The following PTPRD variants were observed in gnomAD, a reference collection of about 807,000 sequenced individuals.
PTPRD encodes receptor-type tyrosine-protein phosphatase delta.
Under a neutral mutation model 214.5 loss-of-function variants are expected in PTPRD, and 34 were observed. The ratio of observed to expected loss-of-function variants is 0.16; its 90% CI spans 0.12 to 0.21. The LOEUF is 0.21. PTPRD is among the 10% of genes least tolerant of loss of function. The pLI, the probability that PTPRD is intolerant of heterozygous loss-of-function variation, is 1.00. For synonymous variants in PTPRD, 1,128 were observed against 845.7 expected (o/e 1.33, Z -5.79); for missense variants, 2,545 against 2,398.7 (o/e 1.06, Z -1.27).
At chr9:10,569,689 A>G (rs1418350827) in intron 2 of PTPRD, among the ~76,000 whole-genome samples, 2 of 152,238 alleles carry the variant, frequency 1.3e-5, no homozygotes, top group African/African-American at 4.8e-5. Flanking sequence ...ATTTTCTGTT[A>G]GATTCAATCA....
intron 14 of PTPRD, among the ~76,000 whole-genome samples, chr9:8,624,885 A>C (rs2095964092): frequency 6.6e-6 from 1 of 151,800 alleles, no homozygotes; most frequent in Non-Finnish European, 1.5e-5. Context: ...CATCTTGCAG[A>C]GGCCACTGAA....
chr9:10,008,623 A>T (rs1295056342), intron 4 of PTPRD, among the ~76,000 whole-genome samples: 123 of 152,062 alleles, frequency 8.1e-4, no homozygotes, highest in Non-Finnish European at 1.3e-3. Context: ...ATTCAGCATA[A>T]ATTCCTGTCT....
At chr9:9,136,228 G>A (rs2099850626) in intron 10 of PTPRD, among the ~76,000 whole-genome samples, 1 of 152,058 alleles carries the variant, frequency 6.6e-6, no homozygotes, top group African/African-American at 2.4e-5. Flanking sequence ...AGAAGCTCAA[G>A]TATTTTCATT....
intron 11 of PTPRD, among the ~76,000 whole-genome samples, chr9:9,014,361 T>A (rs1336548120): frequency 6.6e-6 from 1 of 152,142 alleles, no homozygotes; most frequent in African/African-American, 2.4e-5. Context: ...CAAAGATTTG[T>A]CAATAATATT....
chr9:9,414,248 G>C (rs2142066574), intron 8 of PTPRD, among the ~76,000 whole-genome samples: 1 of 152,328 alleles, frequency 6.6e-6, no homozygotes, highest in Admixed American at 6.5e-5. Context: ...TAGTGGAATA[G>C]TACCATGTCA....
intron 10 of PTPRD, among the ~76,000 whole-genome samples, chr9:9,141,802 T>G (rs1012059133): frequency 1.3e-5 from 2 of 150,448 alleles, no homozygotes; most frequent in African/African-American, 4.8e-5. Context: ...CTCTATATAA[T>G]AGTTATTAAC....
At chr9:8,373,615 GTGTGTGTGTGTGTGTGTGTGT>G (rs2082195977) in intron 39 of PTPRD, among the ~76,000 whole-genome samples, 5 of 31,350 alleles carry the variant, frequency 1.6e-4, no homozygotes, top group African/African-American at 5.2e-4. Flanking sequence ...GGATGCGGGT[GTGTGTGTGTGTGTGTGTGTGT>G]GTGTGTGTGT....
intron 9 of PTPRD, among the ~76,000 whole-genome samples, chr9:9,227,448 T>C (rs1186795435): frequency 6.6e-6 from 1 of 152,136 alleles, no homozygotes; most frequent in East Asian, 1.9e-4. Context: ...CCTACTGTTT[T>C]GGCATTTTAC....
chr9:9,533,327 C>G (rs1235627241), intron 8 of PTPRD, among the ~76,000 whole-genome samples: 1 of 152,032 alleles, frequency 6.6e-6, no homozygotes, highest in Non-Finnish European at 1.5e-5. Context: ...CTGAATTTTT[C>G]TTTTCATTGT....
chr9:9,112,737 C>T (rs1017288248), intron 10 of PTPRD, among the ~76,000 whole-genome samples: 1 of 152,012 alleles, frequency 6.6e-6, no homozygotes, highest in Non-Finnish European at 1.5e-5. Context: ...TTAGTCTTAA[C>T]AAAATTGTGA....
intron 2 of PTPRD, among the ~76,000 whole-genome samples, chr9:10,347,409 CTTT>C (rs201173966): frequency 3.1e-5 from 4 of 127,912 alleles, no homozygotes; most frequent in Non-Finnish European, 1.7e-5. Flanking sequence ...AGCTATTTGT[CTTT>C]TTTTTTTTTT....
chr9:10,354,522 C>T (rs1478627862), intron 2 of PTPRD, among the ~76,000 whole-genome samples: 4 of 152,156 alleles, frequency 2.6e-5, no homozygotes, highest in African/African-American at 7.2e-5. Context: ...ATTCCTACCT[C>T]ATCGTAGTAT....
chr9:8,376,457 G>C (rs966802938), intron 38 of PTPRD, 150 bp downstream of exon 38: 1 of 1,156,150 alleles, frequency 8.6e-7, no homozygotes, highest in Non-Finnish European at 1.2e-6. Flanking sequence ...AAGAAAAATG[G>C]CTGAGTGATA....
At chr9:9,790,648 C>A (rs1004215598) in intron 5 of PTPRD, among the ~76,000 whole-genome samples, 2 of 152,080 alleles carry the variant, frequency 1.3e-5, no homozygotes, top group African/African-American at 2.4e-5. Context: ...AGAAAAATAA[C>A]AAGGACTTAA....
At chr9:9,402,934 G>A (rs908129713) in intron 8 of PTPRD, among the ~76,000 whole-genome samples, 15 of 140,018 alleles carry the variant, frequency 1.1e-4, no homozygotes, top group South Asian at 4.6e-4. Flanking sequence ...TGAAAATTAC[G>A]GTGAGATGGT....
intron 11 of PTPRD, among the ~76,000 whole-genome samples, chr9:8,976,903 A>G (rs2099270965): frequency 6.6e-6 from 1 of 151,988 alleles, no homozygotes; most frequent in Non-Finnish European, 1.5e-5. Flanking sequence ...TCCTATTTTT[A>G]TCTCTAACCC....
At chr9:9,669,019 T>C (rs899742558) in intron 7 of PTPRD, among the ~76,000 whole-genome samples, 3 of 152,308 alleles carry the variant, frequency 2.0e-5, no homozygotes, top group Non-Finnish European at 4.4e-5. Flanking sequence ...GTTTCTACAA[T>C]GGCAACAAAG....
chr9:8,342,161 A>G (rs1240463475), intron 39 of PTPRD, among the ~76,000 whole-genome samples, 183 bp from the exon 40 acceptor site: 1 of 152,106 alleles, frequency 6.6e-6, no homozygotes, highest in Non-Finnish European at 1.5e-5. Context: ...TAATCAGAGG[A>G]CAGGGAACAA....
chr9:9,041,384 G>C (rs2099639335), intron 10 of PTPRD, among the ~76,000 whole-genome samples: 1 of 152,000 alleles, frequency 6.6e-6, no homozygotes, highest in Non-Finnish European at 1.5e-5. Flanking sequence ...CGCTCTGATA[G>C]GCTCCAGTGT....
Sources: gnomAD v4.1 joint callset for allele counts (sites outside exome capture counted in the v4.1 genomes callset) on GRCh38, gnomAD v4.1.1 for gene constraint, MANE v1.5 for transcripts, NCBI Gene and HGNC (gene_info 2026-07-23, HGNC 2026-07-21) for gene names.